Variants in GOLIM4 observed in about 807,000 individuals in gnomAD.
The protein encoded by GOLIM4 is golgi integral membrane protein 4.
GOLIM4 carries 71 observed loss-of-function variants against 107.4 expected under a neutral mutation model. The ratio of observed to expected loss-of-function variants is 0.66; its 90% CI spans 0.55 to 0.81. The LOEUF is 0.81. Ranked by LOEUF, GOLIM4 falls within the 30% of genes least tolerant of loss-of-function variation. The pLI, the probability that GOLIM4 is intolerant of heterozygous loss-of-function variation, is 0.00. For synonymous variants in GOLIM4, 327 were observed against 294.8 expected (o/e 1.11, Z -1.12); for missense variants, 830 against 826.1 (o/e 1.00, Z -0.06).
intron 1 of GOLIM4, among the ~76,000 whole-genome samples, chr3:168,059,219 A>T (rs997725855): frequency 1.3e-5 from 2 of 152,230 alleles, no homozygotes; most frequent in Non-Finnish European, 1.5e-5. Flanking sequence ...GCTAGCAAAA[A>T]GGAAACAACC....
In GOLIM4 at chr3:168,043,418, G is replaced by A. The variant is rs756947876; in HGVS notation, c.478C>T (p.Leu160Phe). ...AGTTCTTGTTCTTTTTCTTGCTGGA[G>A]CTGCAAGTATTTTTGCTTATGGTCA... The part of the protein sequence containing the change: ...FNDHKQKYLQ[L>F]QQEKEQELSK... The change falls in exon 5 of 16, where the codon CTC becomes TTC. Residue 160 changes from leucine (L) to phenylalanine (F), a missense_variant. Leu to Phe is a conservative substitution (Grantham distance 22, BLOSUM62 0). Coordinates refer to ENST00000470487, the MANE Select transcript of GOLIM4 (RefSeq NM_014498.5). The A allele has an allele frequency of 2.5e-6, 4 of 1,609,008 alleles. No homozygotes were observed. The highest frequency in any genetic ancestry group is 1.3e-5 in the African/African-American group (1 of 74,726).
At chr3:168,037,763 C>G (rs923771719) in intron 7 of GOLIM4, among the ~76,000 whole-genome samples, 2 of 152,094 alleles carry the variant, frequency 1.3e-5, no homozygotes, top group African/African-American at 4.8e-5. Context: ...ATTTTTAATA[C>G]AAGGAGCTAG....
intron 8 of GOLIM4, among the ~76,000 whole-genome samples, chr3:168,035,699 C>T (rs914796420): frequency 2.6e-5 from 4 of 152,160 alleles, no homozygotes; most frequent in African/African-American, 9.7e-5. Flanking sequence ...GGCTAAATAG[C>T]TGGGTGATAA....
intron 7 of GOLIM4, among the ~76,000 whole-genome samples, chr3:168,040,583 C>T (rs917212609): frequency 6.6e-6 from 1 of 152,168 alleles, no homozygotes; most frequent in Non-Finnish European, 1.5e-5. Context: ...CATTTATGTA[C>T]CGCACAACCA....
intron 8 of GOLIM4, among the ~76,000 whole-genome samples, chr3:168,033,252 G>A (rs1397139407): frequency 1.3e-5 from 2 of 151,738 alleles, no homozygotes; most frequent in Non-Finnish European, 2.9e-5. Context: ...AAAAGAGAAG[G>A]ATGAAATAAA....
chr3:168,060,940 TTTGTATG>T (rs201194481), intron 1 of GOLIM4, among the ~76,000 whole-genome samples: 26,333 of 152,048 alleles, frequency 0.17, 2,465 homozygotes, highest in Middle Eastern at 0.23. Flanking sequence ...TAAAATTAAC[TTTGTATG>T]TGTAGAAGAT....
chr3:168,024,950 G>C lies in GOLIM4; in HGVS notation c.1769C>G (p.Thr590Arg). Residue 590 changes from threonine (T) to arginine (R), a missense_variant, in exon 13 of 16, where the codon ACA becomes AGA. Coordinates refer to ENST00000470487, the MANE Select transcript of GOLIM4 (RefSeq NM_014498.5). ...QKQSNQKQEN[T>R]EVEEHLVMAG... ...TACCACCAAATGTTCCTCCACTTCTGTATTCTCTTGCTTTTGATTACTTTG... is the reference window on the plus strand; with the variant it reads ...TACCACCAAATGTTCCTCCACTTCTCTATTCTCTTGCTTTTGATTACTTTG... 6.2e-7 allele frequency: 1 copy of C among 1,613,924 alleles called. No individual in the cohort carries two copies. The highest frequency in any genetic ancestry group is 8.5e-7 in the Non-Finnish European group (1 of 1,179,884).
chr3:168,058,437 T>C (rs1720094244), intron 1 of GOLIM4, among the ~76,000 whole-genome samples: 1 of 152,222 alleles, frequency 6.6e-6, no homozygotes, highest in Non-Finnish European at 1.5e-5. Context: ...ATAATCATTC[T>C]CATTATCAGA....
At position 168,083,319 on chromosome 3, in the gene GOLIM4, C is replaced by T. The variant is rs193271683; in HGVS notation, c.187+11780G>A. ...CTATCAAATAAAACTTCACCAAGGA[C>T]TGCAGTCTATAAAGTCAAAAGAACA... On this transcript the variant is annotated intron_variant, in intron 1 of 15. Coordinates refer to ENST00000470487, the MANE Select transcript of GOLIM4 (RefSeq NM_014498.5). 6.6e-5 allele frequency among the ~76,000 whole-genome samples: 10 copies of T among 152,300 alleles called. No individual in the cohort carries two copies. In the East Asian group the frequency reaches 1.9e-3, roughly 29 times the overall value.
Position 168,048,294 on chromosome 3 carries a change from C to CAA in GOLIM4, c.258_259insTT (p.Glu87LeufsTer9). Reference sequence around the variant, plus strand: ...CACAAATTATGTATTTACTTACCTTCCTTTGCTTTTTTATGTTCAAGTCTT... The same window carrying CAA: ...CACAAATTATGTATTTACTTACCTTCAACTTTGCTTTTTTATGTTCAAGTCTT... On this transcript the variant is annotated frameshift_variant, in exon 2 of 16. Transcript: ENST00000470487. LOFTEE classifies it high-confidence loss of function. 1 of 1,435,200 alleles carries CAA rather than the reference C, an allele frequency of 7.0e-7. No individual in the cohort carries two copies. The highest frequency in any genetic ancestry group is 9.7e-7 in the Non-Finnish European group (1 of 1,028,856). 88.9% of individuals were successfully genotyped at this position (1,435,200 alleles called of 1,614,324 possible).
chr3:168,085,342 C>A lies in GOLIM4; in HGVS notation c.187+9757G>T, dbSNP rs79935238. Among the ~76,000 whole-genome samples, 94 of 152,284 alleles carry A rather than the reference C, an allele frequency of 6.2e-4. No individual in the cohort carries two copies. In the East Asian group the frequency reaches 0.013, roughly 21 times the overall value. ...CAGATGACAGAACCTCCTAAGGGTT[C>A]CTCAGAGCCTCATAATGAGCCTTTG... On this transcript the variant is annotated intron_variant, in intron 1 of 15. Transcript: ENST00000470487.
At chr3:168,029,429 A>T in intron 10 of GOLIM4, 127 bp from the exon 11 acceptor site, 2 of 613,780 alleles carry the variant, frequency 3.3e-6, no homozygotes, top group South Asian at 3.0e-5. Context: ...GCCATGAAAA[A>T]TTTTTAAAAA....
chr3:168,063,867 C>T lies in GOLIM4; in HGVS notation c.188-15502G>A, dbSNP rs184158112. On this transcript the variant is annotated intron_variant, in intron 1 of 15. Transcript: ENST00000470487. Reference sequence around the variant, plus strand: ...CCTGCACATCCTGCACATGTACCCCCGAGCCTAAAAGTTGAAGGAAAAAAA... The same window carrying T: ...CCTGCACATCCTGCACATGTACCCCTGAGCCTAAAAGTTGAAGGAAAAAAA... Among the ~76,000 whole-genome samples the T allele has an allele frequency of 1.2e-3, 178 of 151,694 alleles. 1 individual carries two copies. Among genetic ancestry groups the T allele is most frequent in the African/African-American group, 4.1e-3 (170 of 41,242 alleles).
At chr3:168,076,519 C>A (rs1318510099) in intron 1 of GOLIM4, among the ~76,000 whole-genome samples, 2 of 152,190 alleles carry the variant, frequency 1.3e-5, no homozygotes, top group African/African-American at 4.8e-5. Flanking sequence ...TGGTGAAACT[C>A]CGTCTCTACT....
At chr3:168,091,429 G>T (rs1322013564) in intron 1 of GOLIM4, among the ~76,000 whole-genome samples, 5 of 152,120 alleles carry the variant, frequency 3.3e-5, no homozygotes, top group Admixed American at 3.3e-4. Flanking sequence ...AATCTGATAT[G>T]ATCCAGAACA....
intron 1 of GOLIM4, among the ~76,000 whole-genome samples, chr3:168,082,454 C>A (rs981728309): frequency 6.6e-6 from 1 of 152,106 alleles, no homozygotes; most frequent in Admixed American, 6.6e-5. Context: ...TATGTACTCA[C>A]AAATACTACC....
rs1477103299 is a variant in GOLIM4 at position 168,036,757 on chromosome 3, A to T, written c.843+79T>A. 21 of 1,149,960 alleles carry T rather than the reference A, an allele frequency of 1.8e-5. No homozygotes were observed. In the East Asian group the frequency reaches 3.7e-4, roughly 20 times the overall value. 71.2% of individuals were successfully genotyped at this position (1,149,960 alleles called of 1,614,324 possible). ...CTACTGCTCTCCCAGAAAAGTTGGC[A>T]ATATTAAAAGCAGGTCCCCTCTTGG... On this transcript the variant is annotated intron_variant, in intron 8 of 15. Transcript: ENST00000470487.
intron 1 of GOLIM4, among the ~76,000 whole-genome samples, chr3:168,091,155 C>T (rs565340338): frequency 2.0e-5 from 3 of 152,344 alleles, no homozygotes; most frequent in South Asian, 2.1e-4. Context: ...TGCACTTCTA[C>T]ACGTCACATT....
At position 168,085,268 on chromosome 3, in the gene GOLIM4, G is replaced by C. The variant is rs1577578621; in HGVS notation, c.187+9831C>G. Among the ~76,000 whole-genome samples the C allele has an allele frequency of 8.5e-5, 13 of 152,300 alleles. 2 individuals are homozygous for C. The South Asian group carries it at 2.7e-3, about 32-fold the overall frequency. Reference sequence around the variant, plus strand: ...GGAGGGTGTCTTATAAAATCGGTTTGTTAAAATCTTGGAATGATCAAAAGT... The same window carrying C: ...GGAGGGTGTCTTATAAAATCGGTTTCTTAAAATCTTGGAATGATCAAAAGT... On this transcript the variant is annotated intron_variant, in intron 1 of 15. Transcript: ENST00000470487.
Sources: gnomAD v4.1 joint callset for allele counts (sites outside exome capture counted in the v4.1 genomes callset) on GRCh38, gnomAD v4.1.1 for gene constraint, MANE v1.5 for transcripts, NCBI Gene and HGNC (gene_info 2026-07-23, HGNC 2026-07-21) for gene names.